The following PHF20 variants were observed in gnomAD, a reference collection of about 807,000 sequenced individuals.
The protein encoded by PHF20 is PHD finger protein 20.
A neutral mutation model predicts 113.5 loss-of-function variants in PHF20; 23 were observed. The observed-to-expected ratio is 0.20, with a 90% CI of 0.15 to 0.29. The LOEUF (loss-of-function observed/expected upper bound fraction) is 0.29. Among genes scored for constraint, PHF20 ranks in the 10% least tolerant of loss-of-function variants. The probability of loss-of-function intolerance (pLI) is 1.00; values close to 1 mark genes in which losing one functional copy is unlikely to be tolerated. For synonymous variants in PHF20, 434 were observed against 457.3 expected, an observed-to-expected ratio of 0.95 and a Z score of 0.65; for missense variants, 943 against 1,219.6, an observed-to-expected ratio of 0.77 and a Z score of 3.38.
chr20:35,877,314 C>T, intron 9 of PHF20, among the ~76,000 whole-genome samples: 1 of 144,326 alleles, frequency 6.9e-6, no homozygotes, highest in East Asian at 2.0e-4. Flanking sequence ...GAGTGAGACT[C>T]CATCTCAAAA....
chr20:35,836,637 G>T (rs2146928617), intron 2 of PHF20, among the ~76,000 whole-genome samples: 1 of 151,956 alleles, frequency 6.6e-6, no homozygotes, highest in African/African-American at 2.4e-5. Flanking sequence ...GAGGTCAGGA[G>T]ATCGAGACCA....
At position 35,950,013 on chromosome 20, in the gene PHF20, A is replaced by G. The variant is rs2056152023; in HGVS notation, c.*2386A>G. ...GGTTGAAGTGAGCCGAGATTGCGCTATTGCACTCCAGCTCGGGCGACAACT... is the reference window on the plus strand; with the variant it reads ...GGTTGAAGTGAGCCGAGATTGCGCTGTTGCACTCCAGCTCGGGCGACAACT... On this transcript the variant is annotated 3_prime_UTR_variant, in exon 18 of 18. Coordinates refer to ENST00000374012, the MANE Select transcript of PHF20 (RefSeq NM_016436.5). 1 of 152,494 alleles carries G rather than the reference A, an allele frequency of 6.6e-6. No homozygotes were observed. The allele number at this position is 152,494 out of a possible 1,614,324, so 9.4% of individuals were successfully genotyped here.
chr20:35,936,153 T>C (rs1359317781), intron 15 of PHF20, among the ~76,000 whole-genome samples: 3 of 152,176 alleles, frequency 2.0e-5, no homozygotes, highest in African/African-American at 7.2e-5. Context: ...AGCAGGTCTG[T>C]ACTATGGTTC....
intron 2 of PHF20, among the ~76,000 whole-genome samples, chr20:35,813,927 G>T (rs1391495388): frequency 1.0e-5 from 1 of 99,506 alleles, no homozygotes. Context: ...GTGAGACTCC[G>T]TCTCAGAAAA....
intron 15 of PHF20, among the ~76,000 whole-genome samples, chr20:35,932,546 T>C (rs1446569023): frequency 6.7e-6 from 1 of 150,016 alleles, no homozygotes; most frequent in East Asian, 2.0e-4. Flanking sequence ...TTCTCCTGCC[T>C]CAGCCTCCTG....
At chr20:35,880,631 AT>A (rs2054611301) in intron 9 of PHF20, among the ~76,000 whole-genome samples, 2 of 152,132 alleles carry the variant, frequency 1.3e-5, no homozygotes, top group African/African-American at 4.8e-5. Flanking sequence ...ATTGCTAGCA[AT>A]TTACCATATT....
chr20:35,867,512 C>G (rs1235031911), intron 6 of PHF20, among the ~76,000 whole-genome samples: 1 of 152,200 alleles, frequency 6.6e-6, no homozygotes, highest in African/African-American at 2.4e-5. Context: ...CTGCCTGTCT[C>G]TGCCTCCCAA....
Position 35,874,088 on chromosome 20 carries a change from C to T in PHF20, c.1282+2259C>T, listed in dbSNP as rs183446363. The stretch of plus-strand genomic sequence containing the variant: ...CCAGATTCAAGTGATTCTCCTGCCT[C>T]AGCCTCCCAAGTAGCTGGGATTACA... On this transcript the variant is annotated intron_variant, in intron 9 of 17. Transcript: ENST00000374012. Among the ~76,000 whole-genome samples, 205 of 152,370 alleles carry T rather than the reference C, an allele frequency of 1.3e-3. 1 individual carries two copies. Among genetic ancestry groups the T allele is most frequent in the Non-Finnish European group, 2.2e-3 (151 of 68,042 alleles).
intron 2 of PHF20, among the ~76,000 whole-genome samples, chr20:35,818,857 A>G (rs1233455873): frequency 9.9e-5 from 15 of 151,852 alleles, no homozygotes; most frequent in Admixed American, 8.6e-4. Flanking sequence ...TTTTTAATCT[A>G]CCACTTTGGG....
At chr20:35,817,924 A>G (rs2146895617) in intron 2 of PHF20, among the ~76,000 whole-genome samples, 1 of 152,188 alleles carries the variant, frequency 6.6e-6, no homozygotes, top group East Asian at 1.9e-4. Context: ...CCTGGGCAAC[A>G]TGACAAAACC....
intron 15 of PHF20, among the ~76,000 whole-genome samples, chr20:35,934,576 G>T (rs2055827678): frequency 6.6e-6 from 1 of 152,258 alleles, no homozygotes; most frequent in Non-Finnish European, 1.5e-5. Flanking sequence ...CCATTTGCAT[G>T]GTTGAAGCAG....
intron 4 of PHF20, among the ~76,000 whole-genome samples, chr20:35,855,971 A>G (rs2425172): frequency 0.25 from 36,905 of 150,180 alleles, 5,077 homozygotes; most frequent in African/African-American, 0.39. Flanking sequence ...GAGCCATCAC[A>G]CCTGGCCAAG....
intron 1 of PHF20, among the ~76,000 whole-genome samples, chr20:35,780,768 G>C (rs764526182): frequency 2.9e-4 from 43 of 148,330 alleles, no homozygotes; most frequent in Non-Finnish European, 4.7e-4. Context: ...GGCTGGTCTT[G>C]AACTCCTGAT....
chr20:35,846,511 T>C (rs113057619), intron 3 of PHF20, among the ~76,000 whole-genome samples: 1,731 of 152,248 alleles, frequency 0.011, 23 homozygotes, highest in African/African-American at 0.039. Context: ...GAAAAGAGTA[T>C]AAAATATTAA....
intron 2 of PHF20, among the ~76,000 whole-genome samples, chr20:35,813,834 T>C (rs2042018277): frequency 6.7e-6 from 1 of 148,994 alleles, no homozygotes; most frequent in African/African-American, 2.5e-5. Flanking sequence ...CTCCAGCCTG[T>C]GTGTGAGCCA....
intron 10 of PHF20, among the ~76,000 whole-genome samples, chr20:35,900,131 G>C (rs1207640283): frequency 6.6e-6 from 1 of 152,084 alleles, no homozygotes; most frequent in Non-Finnish European, 1.5e-5. Context: ...TGTTTGTTTT[G>C]CATAGAAACC....
At chr20:35,828,144 C>T (rs1432077516) in intron 2 of PHF20, among the ~76,000 whole-genome samples, 1 of 152,094 alleles carries the variant, frequency 6.6e-6, no homozygotes, top group Non-Finnish European at 1.5e-5. Flanking sequence ...CTGCCTCAGC[C>T]TCCCGAGTAG....
intron 4 of PHF20, among the ~76,000 whole-genome samples, 161 bp downstream of exon 4, chr20:35,847,595 T>C (rs1026414425): frequency 6.6e-6 from 1 of 152,162 alleles, no homozygotes; most frequent in Non-Finnish European, 1.5e-5. Flanking sequence ...GTAGAAATTA[T>C]AAGTGTAAAG....
intron 1 of PHF20, among the ~76,000 whole-genome samples, chr20:35,791,586 A>G (rs2146848512): frequency 6.7e-6 from 1 of 148,764 alleles, no homozygotes; most frequent in Non-Finnish European, 1.5e-5. Flanking sequence ...GTATATATGT[A>G]TCTTAGAATA....
Sources: allele counts gnomAD v4.1 joint callset (sites outside exome capture counted in the v4.1 genomes callset), GRCh38; gene constraint gnomAD v4.1.1; transcripts MANE v1.5; gene names NCBI Gene and HGNC (gene_info 2026-07-23, HGNC 2026-07-21).